BMERB1: variants seen among roughly 807,000 people sequenced by gnomAD.
BMERB1 encodes the protein bMERB domain-containing protein 1.
Under a neutral mutation model 23.6 loss-of-function variants are expected in BMERB1, and 12 were observed. That is an observed-to-expected ratio of 0.51 (90% CI 0.33 to 0.82). The LOEUF is 0.82. Among genes scored for constraint, BMERB1 ranks in the 40% least tolerant of loss-of-function variants. BMERB1 has a pLI of 0.03. For missense variants in BMERB1, 247 were observed against 255.4 expected (o/e 0.97, Z 0.22); for synonymous variants, 122 against 96.6 (o/e 1.26, Z -1.54).
At chr16:15,524,002 G>A (rs1461978517) in intron 2 of BMERB1, among the ~76,000 whole-genome samples, 1 of 152,076 alleles carries the variant, frequency 6.6e-6, no homozygotes, top group Non-Finnish European at 1.5e-5. Flanking sequence ...TTATTATGAT[G>A]ATTATTTAAG....
At chr16:15,560,321 A>G (rs1318789354) in intron 2 of BMERB1, among the ~76,000 whole-genome samples, 3 of 152,234 alleles carry the variant, frequency 2.0e-5, no homozygotes, top group Non-Finnish European at 4.4e-5. Context: ...CTTAGGTTAC[A>G]TGGAGGAAAA....
chr16:15,494,680 A>G (rs2051456459), intron 1 of BMERB1, among the ~76,000 whole-genome samples: 2 of 152,114 alleles, frequency 1.3e-5, no homozygotes, highest in Admixed American at 6.6e-5. Flanking sequence ...GTTTGAATAA[A>G]GTGGTTGATC....
At position 15,586,906 on chromosome 16, in the gene BMERB1, C is replaced by T; in HGVS notation, c.*77C>T. On this transcript the variant is annotated 3_prime_UTR_variant, in exon 6 of 6. Coordinates refer to ENST00000300006, the MANE Select transcript of BMERB1 (RefSeq NM_033201.3). ...TTTATAGCCCCCATTTCACCGGGGC[C>T]CAAGAGCTCTCCAAGGCAGAAGGGG... The T allele has an allele frequency of 1.0e-6, 1 of 983,356 alleles. No individual in the cohort carries two copies. 60.9% of individuals were successfully genotyped at this position (983,356 alleles called of 1,614,324 possible). A position where few individuals can be genotyped will look rare whatever the true frequency, so the allele number is the denominator to read the frequency against.
At chr16:15,527,293 G>T (rs1028547739) in intron 2 of BMERB1, among the ~76,000 whole-genome samples, 19 of 152,022 alleles carry the variant, frequency 1.2e-4, no homozygotes, top group African/African-American at 3.4e-4. Flanking sequence ...TGATTTTGAT[G>T]ACTCTACATA....
At chr16:15,528,815 G>C (rs2051936516) in intron 2 of BMERB1, among the ~76,000 whole-genome samples, 1 of 152,116 alleles carries the variant, frequency 6.6e-6, no homozygotes, top group East Asian at 1.9e-4. Context: ...CTTTCAGGAG[G>C]TGATTAGGTC....
Position 15,583,203 on chromosome 16 carries a change from T to C in BMERB1, c.467T>C (p.Leu156Ser). Residue 156 changes from leucine (L) to serine (S), a missense_variant, in exon 5 of 6, where the codon TTA becomes TCA. Leu to Ser is a moderately radical substitution (Grantham distance 145). Coordinates refer to ENST00000300006, the MANE Select transcript of BMERB1 (RefSeq NM_033201.3). ...KEMADFLRIK[L>S]KPLDKVTKSP... ...ATGGCTGATTTCCTGAGAATCAAGT[T>C]AAAACCTCTAGACAAAGTAACCAAA... The C allele has an allele frequency of 6.2e-7, 1 of 1,613,642 alleles. No homozygotes were observed. The highest frequency in any genetic ancestry group is 8.5e-7 in the Non-Finnish European group (1 of 1,179,576).
chr16:15,442,684 C>A (rs919046431), intron 1 of BMERB1, among the ~76,000 whole-genome samples: 3 of 152,044 alleles, frequency 2.0e-5, no homozygotes, highest in African/African-American at 7.2e-5. Flanking sequence ...TCATAACAGC[C>A]CTATGACATA....
intron 1 of BMERB1, among the ~76,000 whole-genome samples, chr16:15,441,504 A>G (rs2050938851): frequency 6.6e-6 from 1 of 151,936 alleles, no homozygotes; most frequent in South Asian, 2.1e-4. Flanking sequence ...CTGCCTCCCA[A>G]GTAGCTGGGA....
chr16:15,502,251 G>A, intron 1 of BMERB1: 1 of 1,533,230 alleles, frequency 6.5e-7, no homozygotes, highest in Non-Finnish European at 8.8e-7. Flanking sequence ...ATGTGCTTGA[G>A]GTGCCACTGG....
intron 1 of BMERB1, among the ~76,000 whole-genome samples, chr16:15,449,083 C>A (rs567450129): frequency 6.6e-6 from 1 of 152,184 alleles, no homozygotes; most frequent in Non-Finnish European, 1.5e-5. Context: ...AACGATAAGG[C>A]CCCGTTAAAT....
chr16:15,572,199 C>G (rs1373085278), intron 3 of BMERB1, among the ~76,000 whole-genome samples: 1 of 152,098 alleles, frequency 6.6e-6, no homozygotes, highest in East Asian at 1.9e-4. Flanking sequence ...TTTCTCTGAG[C>G]CTTGAATTCC....
At chr16:15,502,093 TAGAA>T (rs1246474663) in intron 1 of BMERB1, among the ~76,000 whole-genome samples, 3 of 152,208 alleles carry the variant, frequency 2.0e-5, no homozygotes, top group Admixed American at 1.3e-4. Flanking sequence ...GGTCGGCCGT[TAGAA>T]AGATGCCGGA....
At chr16:15,449,584 C>T (rs1260034382) in intron 1 of BMERB1, among the ~76,000 whole-genome samples, 3 of 151,458 alleles carry the variant, frequency 2.0e-5, no homozygotes, top group Admixed American at 1.3e-4. Flanking sequence ...CTCGCTCTGT[C>T]GCCCATGCTG....
intron 2 of BMERB1, among the ~76,000 whole-genome samples, chr16:15,521,017 GCTTC>G (rs1184051090): frequency 6.6e-6 from 1 of 152,130 alleles, no homozygotes; most frequent in Non-Finnish European, 1.5e-5. Context: ...CTTCATGATT[GCTTC>G]CTTGCTCCTC....
chr16:15,522,071 C>T (rs1247836223), intron 2 of BMERB1, among the ~76,000 whole-genome samples: 1 of 152,160 alleles, frequency 6.6e-6, no homozygotes, highest in African/African-American at 2.4e-5. Flanking sequence ...TGCTGTTTAT[C>T]TGGGTTTCAG....
chr16:15,517,427 T>C (rs2051775641), intron 2 of BMERB1, among the ~76,000 whole-genome samples: 1 of 152,026 alleles, frequency 6.6e-6, no homozygotes, highest in Non-Finnish European at 1.5e-5. Context: ...ACAAGAATCA[T>C]TTGAACCTGG....
chr16:15,487,834 G>A (rs1009730525), intron 1 of BMERB1, among the ~76,000 whole-genome samples: 5 of 152,186 alleles, frequency 3.3e-5, no homozygotes. Context: ...CAGTCCTGGC[G>A]CTGGTGGGCG....
At chr16:15,537,131 CTT>C (rs1438142814) in intron 2 of BMERB1, among the ~76,000 whole-genome samples, 1 of 152,080 alleles carries the variant, frequency 6.6e-6, no homozygotes, top group Non-Finnish European at 1.5e-5. Flanking sequence ...TTGATTATGC[CTT>C]TGATTGAACC....
intron 2 of BMERB1, among the ~76,000 whole-genome samples, chr16:15,564,247 C>G (rs1403894574): frequency 6.6e-6 from 1 of 152,204 alleles, no homozygotes; most frequent in African/African-American, 2.4e-5. Flanking sequence ...ATTACTCAAT[C>G]AAAACTTGTG....
Sources: gnomAD v4.1 joint callset for allele counts (sites outside exome capture counted in the v4.1 genomes callset) on GRCh38, gnomAD v4.1.1 for gene constraint, MANE v1.5 for transcripts, NCBI Gene and HGNC (gene_info 2026-07-23, HGNC 2026-07-21) for gene names.